STAB2: variants seen among roughly 807,000 people sequenced by gnomAD.
STAB2 encodes stabilin-2.
Under a neutral mutation model 338.1 loss-of-function variants are expected in STAB2, and 288 were observed. That is an observed-to-expected ratio of 0.85 (90% CI 0.77 to 0.94). STAB2 has a LOEUF of 0.94. Ranked by LOEUF, STAB2 falls within the 40% of genes least tolerant of loss-of-function variation. STAB2 has a pLI of 0.00. For synonymous variants in STAB2, 1,202 were observed against 1,193.3 expected, an observed-to-expected ratio of 1.01 and a Z score of -0.15; for missense variants, 3,141 against 3,210.1, an observed-to-expected ratio of 0.98 and a Z score of 0.52.
intron 19 of STAB2, chr12:103,668,425 A>T (rs1875374303): frequency 1.8e-6 from 1 of 542,470 alleles, no homozygotes; most frequent in South Asian, 2.1e-5. Flanking sequence ...GCCATGGATG[A>T]TGCAAACTCT....
intron 22 of STAB2, among the ~76,000 whole-genome samples, chr12:103,671,506 C>A (rs1875787178): frequency 1.3e-5 from 2 of 152,068 alleles, no homozygotes; most frequent in African/African-American, 4.8e-5. Context: ...TCCATCAGCT[C>A]CTTTATTTGC....
chr12:103,667,093 C>T (rs1165578463), intron 19 of STAB2, among the ~76,000 whole-genome samples: 1 of 152,134 alleles, frequency 6.6e-6, no homozygotes, highest in Non-Finnish European at 1.5e-5. Flanking sequence ...AAAGAACTTA[C>T]CAATGAGAAG....
chr12:103,588,365 A>G (rs760375575), intron 1 of STAB2, among the ~76,000 whole-genome samples: 1 of 152,176 alleles, frequency 6.6e-6, no homozygotes, highest in Non-Finnish European at 1.5e-5. Context: ...TCTGTTTAAC[A>G]AATAGGTCTG....
chr12:103,663,489 A>G (rs1874804355), intron 18 of STAB2, among the ~76,000 whole-genome samples: 1 of 152,024 alleles, frequency 6.6e-6, no homozygotes, highest in South Asian at 2.1e-4. Flanking sequence ...ACAGGTGCAC[A>G]CCACCACACC....
rs1874644927 is a variant in STAB2, at chr12:103,661,804, TGTG to T, written c.1870-1041_1870-1039del. Reference sequence around the variant, plus strand: ...GAGCAGAAAGGAGCATGCTGGGCTGTGTGAGGAACAGCAAGGCCAGTGTGGCTA... The same window carrying T: ...GAGCAGAAAGGAGCATGCTGGGCTGTAGGAACAGCAAGGCCAGTGTGGCTA... On this transcript the variant is annotated intron_variant, in intron 17 of 68. Transcript: ENST00000388887. 1.1e-4 allele frequency among the ~76,000 whole-genome samples: 17 copies of T among 152,190 alleles called. No individual in the cohort carries two copies. In the South Asian group the frequency reaches 3.5e-3, roughly 32 times the overall value.
intron 25 of STAB2, among the ~76,000 whole-genome samples, chr12:103,681,520 T>C (rs1249386942): frequency 6.6e-6 from 1 of 152,112 alleles, no homozygotes; most frequent in African/African-American, 2.4e-5. Context: ...ATCCTTGGTG[T>C]TTCTTGGCTT....
intron 44 of STAB2, among the ~76,000 whole-genome samples, chr12:103,718,601 C>T (rs1307081931): frequency 6.6e-6 from 1 of 152,108 alleles, no homozygotes; most frequent in Non-Finnish European, 1.5e-5. Flanking sequence ...CTGTGTAAGT[C>T]CAAGCAGTAG....
Position 103,705,666 on chromosome 12 carries a change from A to G in STAB2, c.3935A>G (p.Tyr1312Cys). 6.2e-7 allele frequency: 1 copy of G among 1,614,210 alleles called. No homozygotes were observed. The highest frequency in any genetic ancestry group is 8.5e-7 in the Non-Finnish European group (1 of 1,180,016). ...AAGAGGAGATGCATCTATACCTCCT[A>G]TTTCATGGGAAGACGAACCCTGTTT... ...NEKRRCIYTS[Y>C]FMGRRTLFIG... Residue 1312 changes from tyrosine to cysteine, a missense_variant, in exon 37 of 69, where the codon TAT becomes TGT. Coordinates refer to ENST00000388887, the MANE Select transcript of STAB2 (RefSeq NM_017564.10).
intron 9 of STAB2, among the ~76,000 whole-genome samples, chr12:103,647,040 G>T (rs545020524): frequency 1.3e-5 from 2 of 152,306 alleles, no homozygotes; most frequent in South Asian, 4.1e-4. Flanking sequence ...AATTTTCAGT[G>T]GACAGCAAAA....
chr12:103,745,526 C>G (rs1034795756), intron 57 of STAB2, among the ~76,000 whole-genome samples: 4 of 152,200 alleles, frequency 2.6e-5, no homozygotes, highest in African/African-American at 9.7e-5. Context: ...ATAGGACCCA[C>G]CTCAAGCACA....
chr12:103,622,004 C>T, intron 4 of STAB2, 38 bp from the exon 5 acceptor site: 1 of 1,610,074 alleles, frequency 6.2e-7, no homozygotes, highest in Non-Finnish European at 8.5e-7. Flanking sequence ...CCATGGGTCA[C>T]CTTGGGTCTA....
chr12:103,630,917 G>C (rs907686725), intron 5 of STAB2, among the ~76,000 whole-genome samples: 1 of 152,226 alleles, frequency 6.6e-6, no homozygotes, highest in Non-Finnish European at 1.5e-5. Context: ...TGTGGAACTT[G>C]TTATGACAGT....
chr12:103,750,489 C>T (rs1883530862), intron 59 of STAB2, 90 bp from the exon 60 acceptor site: 3 of 1,543,302 alleles, frequency 1.9e-6, no homozygotes, highest in Non-Finnish European at 2.6e-6. Flanking sequence ...CTGAACACCT[C>T]CTAGGCTGGA....
rs759296264 is a variant in STAB2 at position 103,660,645 on chromosome 12, C to T, written c.1789-38C>T. On this transcript the variant is annotated intron_variant, in intron 16 of 68. Coordinates refer to ENST00000388887, the MANE Select transcript of STAB2 (RefSeq NM_017564.10). ...AAGAACTCAGGGCCCTGCGTGTGGT[C>T]CCAAATATCTCTGCCTTTTGTTCTC... The T allele has an allele frequency of 2.1e-5, 34 of 1,608,144 alleles. No individual in the cohort carries two copies. The Admixed American group carries it at 5.7e-4, about 27-fold the overall frequency.
At chr12:103,608,588 C>G (rs1957071195) in intron 3 of STAB2, among the ~76,000 whole-genome samples, 1 of 152,028 alleles carries the variant, frequency 6.6e-6, no homozygotes, top group Non-Finnish European at 1.5e-5. Context: ...GGATATTAGC[C>G]CTTTGTCAGA....
At chr12:103,756,262 C>T (rs1438571066) in intron 63 of STAB2, among the ~76,000 whole-genome samples, 1 of 152,222 alleles carries the variant, frequency 6.6e-6, no homozygotes, top group Non-Finnish European at 1.5e-5. Flanking sequence ...GAGAAAGCCT[C>T]ATCTGGAGAA....
At position 103,745,190 on chromosome 12, in the gene STAB2, C is replaced by T. The variant is rs768435282; in HGVS notation, c.6049C>T (p.His2017Tyr). 129 of 1,613,786 alleles carry T rather than the reference C, an allele frequency of 8.0e-5. No homozygotes were observed. The highest frequency in any genetic ancestry group is 1.1e-4 in the Non-Finnish European group (125 of 1,179,934). Residue 2017 changes from histidine to tyrosine, a missense_variant, in exon 57 of 69, where the codon CAC becomes TAC. By Grantham distance (83) the His-to-Tyr change is moderately conservative (BLOSUM62 2). Transcript: ENST00000388887. ...PDCLPCGCSD[H>Y]GQCDDGITGS... Reference sequence around the variant, plus strand: ...GTTTACAGCCTGTGGCTGCTCAGACCACGGACAGTGCGATGATGGCATCAC... The same window carrying T: ...GTTTACAGCCTGTGGCTGCTCAGACTACGGACAGTGCGATGATGGCATCAC...
intron 44 of STAB2, among the ~76,000 whole-genome samples, chr12:103,718,332 T>A (rs1793090087): frequency 1.3e-5 from 2 of 151,504 alleles, no homozygotes; most frequent in Non-Finnish European, 3.0e-5. Flanking sequence ...ATGATTCTAC[T>A]CTCACCCCAC....
chr12:103,703,959 G>T (rs1243023935), intron 35 of STAB2, among the ~76,000 whole-genome samples: 1 of 152,170 alleles, frequency 6.6e-6, no homozygotes, highest in African/African-American at 2.4e-5. Flanking sequence ...ATACATGCAG[G>T]TTCATACACT....
Sources: allele counts gnomAD v4.1 joint callset (sites outside exome capture counted in the v4.1 genomes callset), GRCh38; gene constraint gnomAD v4.1.1; transcripts MANE v1.5; gene names NCBI Gene and HGNC (gene_info 2026-07-23, HGNC 2026-07-21).